Variants in ATRNL1 observed in about 807,000 individuals in gnomAD.
The protein encoded by ATRNL1 is attractin like 1.
Under a neutral mutation model 182.7 loss-of-function variants are expected in ATRNL1, and 95 were observed. That is an observed-to-expected ratio of 0.52 (90% CI 0.44 to 0.62). The LOEUF (loss-of-function observed/expected upper bound fraction) is 0.62. Among genes scored for constraint, ATRNL1 ranks in the 20% least tolerant of loss-of-function variants. ATRNL1 has a pLI of 0.00. For missense variants in ATRNL1, 1,471 were observed against 1,679.5 expected (o/e 0.88, Z 2.17); for synonymous variants, 576 against 568.3 (o/e 1.01, Z -0.19).
intron 24 of ATRNL1, among the ~76,000 whole-genome samples, chr10:115,509,604 C>T (rs1850285179): frequency 6.6e-6 from 1 of 151,952 alleles, no homozygotes; most frequent in Non-Finnish European, 1.5e-5. Context: ...CTGAGGCTTC[C>T]CCAGAAGCCT....
intron 28 of ATRNL1, among the ~76,000 whole-genome samples, chr10:115,856,466 C>T (rs1430747144): frequency 1.2e-5 from 1 of 83,882 alleles, no homozygotes; most frequent in Non-Finnish European, 2.7e-5. Flanking sequence ...ACATACTGTT[C>T]GTTGTGAATC....
chr10:115,855,320 T>G (rs1296677554), intron 28 of ATRNL1, among the ~76,000 whole-genome samples: 1 of 152,196 alleles, frequency 6.6e-6, no homozygotes, highest in Non-Finnish European at 1.5e-5. Context: ...TCAAATGCTA[T>G]TTCGTCTTCC....
At chr10:115,258,103 G>A (rs1851235095) in intron 10 of ATRNL1, among the ~76,000 whole-genome samples, 1 of 152,098 alleles carries the variant, frequency 6.6e-6, no homozygotes, top group Non-Finnish European at 1.5e-5. Context: ...TGCTCTTCTT[G>A]AGGAGTATCT....
intron 28 of ATRNL1, among the ~76,000 whole-genome samples, chr10:115,856,938 G>A: frequency 6.6e-6 from 1 of 151,908 alleles, no homozygotes; most frequent in East Asian, 1.9e-4. Flanking sequence ...GAACTGTGTG[G>A]GCTCATTTAT....
chr10:115,689,483 A>G (rs1453749186), intron 26 of ATRNL1, among the ~76,000 whole-genome samples: 1 of 152,176 alleles, frequency 6.6e-6, no homozygotes, highest in Admixed American at 6.6e-5. Context: ...ATTTGCTTAA[A>G]GAAATTTTCC....
At chr10:115,944,169 T>A (rs1263510800) in intron 28 of ATRNL1, among the ~76,000 whole-genome samples, 1 of 151,474 alleles carries the variant, frequency 6.6e-6, no homozygotes, top group East Asian at 1.9e-4. Flanking sequence ...AAGTAAACCC[T>A]AATGTAAATT....
At chr10:115,304,737 C>A (rs1853642859) in intron 17 of ATRNL1, among the ~76,000 whole-genome samples, 1 of 152,006 alleles carries the variant, frequency 6.6e-6, no homozygotes, top group Non-Finnish European at 1.5e-5. Context: ...ATGCAGGGCA[C>A]CATGATGTTC....
intron 27 of ATRNL1, among the ~76,000 whole-genome samples, chr10:115,728,295 C>A (rs1251413561): frequency 2.2e-5 from 1 of 45,200 alleles, no homozygotes; most frequent in Non-Finnish European, 4.5e-5. Context: ...TGGGACTCCG[C>A]CTCAAAAAAA....
At chr10:115,519,239 AT>A (rs782175272) in intron 24 of ATRNL1, 23 bp from the exon 25 acceptor site, 110 of 1,593,406 alleles carry the variant, frequency 6.9e-5, no homozygotes, top group Middle Eastern at 5.0e-4. Context: ...CATACTTTCA[AT>A]TTTTTTTATT....
At chr10:115,470,752 C>G (rs1554971967) in intron 24 of ATRNL1, among the ~76,000 whole-genome samples, 1 of 150,418 alleles carries the variant, frequency 6.6e-6, no homozygotes. Flanking sequence ...TTGAAATACT[C>G]CACTCTCAAA....
chr10:115,177,091 G>T lies in ATRNL1; in HGVS notation c.1348+5799G>T, dbSNP rs1847540620. On this transcript the variant is annotated intron_variant, in intron 8 of 28. Coordinates refer to ENST00000355044, the MANE Select transcript of ATRNL1 (RefSeq NM_207303.4). Reference sequence around the variant, plus strand: ...GGAGAAAAGGAAGATAAGCAAGGAAGAGTACGGTGAAGTGTAAGCCAAGTG... The same window carrying T: ...GGAGAAAAGGAAGATAAGCAAGGAATAGTACGGTGAAGTGTAAGCCAAGTG... Among the ~76,000 whole-genome samples, 4 of 152,140 alleles carry T rather than the reference G, an allele frequency of 2.6e-5. No individual in the cohort carries two copies. The South Asian group carries it at 8.3e-4, about 32-fold the overall frequency.
chr10:115,412,976 A>T (rs764362672), intron 20 of ATRNL1, among the ~76,000 whole-genome samples: 35 of 152,184 alleles, frequency 2.3e-4, no homozygotes, highest in African/African-American at 8.2e-4. Flanking sequence ...GGATTATGAT[A>T]ATCTTGATTC....
At chr10:115,324,652 C>G (rs1854775954) in intron 18 of ATRNL1, among the ~76,000 whole-genome samples, 1 of 152,148 alleles carries the variant, frequency 6.6e-6, no homozygotes, top group Non-Finnish European at 1.5e-5. Flanking sequence ...ATAAACATAT[C>G]CCAGGGGACT....
At chr10:115,149,211 T>A (rs1165841066) in intron 5 of ATRNL1, among the ~76,000 whole-genome samples, 1 of 152,064 alleles carries the variant, frequency 6.6e-6, no homozygotes, top group Non-Finnish European at 1.5e-5. Context: ...CCTGCACACA[T>A]GGCAACAAAA....
intron 28 of ATRNL1, among the ~76,000 whole-genome samples, chr10:115,879,289 G>A (rs1459266633): frequency 2.3e-5 from 2 of 88,630 alleles, no homozygotes; most frequent in East Asian, 3.4e-4. Context: ...CCTGGGTGAC[G>A]TGCAACTCTC....
At chr10:115,826,807 A>G (rs1237893852) in intron 27 of ATRNL1, among the ~76,000 whole-genome samples, 1 of 152,162 alleles carries the variant, frequency 6.6e-6, no homozygotes, top group Non-Finnish European at 1.5e-5. Flanking sequence ...CATTCGATTA[A>G]AAAATGATAA....
At chr10:115,439,706 A>G (rs611172) in intron 21 of ATRNL1, among the ~76,000 whole-genome samples, 14,973 of 151,836 alleles carry the variant, frequency 0.099, 2,448 homozygotes, top group African/African-American at 0.34. Flanking sequence ...ATCCTGGTAT[A>G]CTCAGTGTAA....
At chr10:115,788,875 A>G (rs1232106715) in intron 27 of ATRNL1, among the ~76,000 whole-genome samples, 9 of 152,230 alleles carry the variant, frequency 5.9e-5, no homozygotes, top group South Asian at 2.1e-4. Flanking sequence ...CCTATTGCCA[A>G]TAATAACCTG....
chr10:115,852,691 A>C (rs2134368957), intron 28 of ATRNL1, among the ~76,000 whole-genome samples: 1 of 152,292 alleles, frequency 6.6e-6, no homozygotes, highest in East Asian at 1.9e-4. Flanking sequence ...CCTGTGGATA[A>C]AGATACTGGG....
Sources: allele counts gnomAD v4.1 joint callset (sites outside exome capture counted in the v4.1 genomes callset), GRCh38; gene constraint gnomAD v4.1.1; transcripts MANE v1.5; gene names NCBI Gene and HGNC (gene_info 2026-07-23, HGNC 2026-07-21).